Variants in DSCAML1 observed in about 807,000 individuals in gnomAD.
DSCAML1 encodes cell adhesion molecule DSCAML1.
Under a neutral mutation model 200.5 loss-of-function variants are expected in DSCAML1, and 38 were observed. That is an observed-to-expected ratio of 0.19 (90% CI 0.15 to 0.25). DSCAML1 has a LOEUF of 0.25. Among genes scored for constraint, DSCAML1 ranks in the 10% least tolerant of loss-of-function variants. DSCAML1 has a pLI of 1.00. For synonymous variants in DSCAML1, 1,215 were observed against 1,165.0 expected (o/e 1.04, Z -0.87); for missense variants, 2,223 against 2,858.8 (o/e 0.78, Z 5.07).
At chr11:117,493,368 G>A (rs1417090392) in intron 11 of DSCAML1, among the ~76,000 whole-genome samples, 1 of 150,752 alleles carries the variant, frequency 6.6e-6, no homozygotes, top group Non-Finnish European at 1.5e-5. Flanking sequence ...CCAGGCTGGA[G>A]TGCAGTGGCA....
chr11:117,536,388 T>C (rs1440713943), intron 3 of DSCAML1, among the ~76,000 whole-genome samples: 2 of 152,172 alleles, frequency 1.3e-5, no homozygotes, highest in African/African-American at 4.8e-5. Context: ...CAACTAGCCA[T>C]CCCTGGGAAG....
At chr11:117,479,445 G>A (rs528596947) in intron 14 of DSCAML1, among the ~76,000 whole-genome samples, 1 of 152,340 alleles carries the variant, frequency 6.6e-6, no homozygotes, top group South Asian at 2.1e-4. Flanking sequence ...TGAGACAGCT[G>A]TTTTCTTCTC....
At chr11:117,734,410 C>T (rs1293434806) in intron 3 of DSCAML1, among the ~76,000 whole-genome samples, 1 of 152,136 alleles carries the variant, frequency 6.6e-6, no homozygotes, top group Non-Finnish European at 1.5e-5. Context: ...CCCTGCTGGC[C>T]CCTCGGGTCC....
chr11:117,780,701 G>A lies in DSCAML1; in HGVS notation c.156C>T (p.Ser52=), dbSNP rs757593601. 1.9e-6 allele frequency: 3 copies of A among 1,584,236 alleles called. No homozygotes were observed. The highest frequency in any genetic ancestry group is 1.1e-5 in the South Asian group (1 of 87,364). ...GGTACCATCGAAGGGCCGCGCTGGG[G>A]GAGCCCGCGGCCGGGCAGGGCACCA... ...GVVVPCPAAG[S]PSAALRWYLA... The change falls in exon 2 of 33, where the codon TCC becomes TCT. Residue 52 remains serine, a synonymous_variant. Transcript: ENST00000651296. This position sits in a 1 kb window ranked among gnomAD's most constrained non-coding sequence, Gnocchi z 4.8.
In DSCAML1 at chr11:117,458,891, T is replaced by A. The variant is rs2048424988; in HGVS notation, c.3431A>T (p.Asn1144Ile). ...YVDGEWGEMQ[N>I]ITTTRERVEL... ...CACCCGCTCCCGCGTGGTGGTGATG[T>A]TCTGCATCTCGCCCCACTCTGCCAG... The change falls in exon 19 of 33, where the codon AAC becomes ATC. Residue 1144 changes from asparagine (N) to isoleucine (I), a missense_variant. Physicochemically the swap from Asn to Ile is moderately radical, Grantham distance 149 (BLOSUM62 -3). Transcript: ENST00000651296. 1 of 1,613,818 alleles carries A rather than the reference T, an allele frequency of 6.2e-7. No individual in the cohort carries two copies. Among genetic ancestry groups the A allele is most frequent in the Non-Finnish European group, 8.5e-7 (1 of 1,179,960 alleles).
Position 117,692,722 on chromosome 11 carries a change from GC to G in DSCAML1, c.511+84068del, listed in dbSNP as rs1177489473. 7.2e-5 allele frequency among the ~76,000 whole-genome samples: 11 copies of G among 152,252 alleles called. No homozygotes were observed. The East Asian group carries it at 2.1e-3, about 29-fold the overall frequency. ...GCTTCCCTGACCAAGGGGCATCCAG[GC>G]CCTGCTCGCACACCTTTAGCGGTAG... is the stretch of plus-strand genomic sequence containing the variant. On this transcript the variant is annotated intron_variant, in intron 3 of 32. Coordinates refer to ENST00000651296, the MANE Select transcript of DSCAML1 (RefSeq NM_020693.4).
At chr11:117,730,583 C>T (rs1211287577) in intron 3 of DSCAML1, among the ~76,000 whole-genome samples, 1 of 152,204 alleles carries the variant, frequency 6.6e-6, no homozygotes, top group Non-Finnish European at 1.5e-5. Context: ...TGTGACGAAA[C>T]TGGGACCCTT....
Position 117,433,156 on chromosome 11 carries a change from C to G in DSCAML1, c.5008G>C (p.Glu1670Gln). ...CACTCACCCAGTTGCTTGATGCCTT[C>G]TTTGTCCTCGATGAGCAGCTGGACC... ...PRVQLLIEDK[E>Q]GIKQLGDDKA... The change falls in exon 29 of 33, where the codon GAA becomes CAA. Residue 1670 changes from glutamate to glutamine, a missense_variant. Physicochemically the swap from Glu to Gln is conservative, Grantham distance 29 (BLOSUM62 2). Coordinates refer to ENST00000651296, the MANE Select transcript of DSCAML1 (RefSeq NM_020693.4). 1 of 1,613,946 alleles carries G rather than the reference C, an allele frequency of 6.2e-7. No homozygotes were observed. The highest frequency in any genetic ancestry group is 8.5e-7 in the Non-Finnish European group (1 of 1,179,910).
intron 3 of DSCAML1, among the ~76,000 whole-genome samples, chr11:117,634,090 C>T (rs2137578104): frequency 6.6e-6 from 1 of 152,306 alleles, no homozygotes; most frequent in African/African-American, 2.4e-5. Flanking sequence ...GTCTAGCAGG[C>T]AAGCGGCAAG....
intron 19 of DSCAML1, among the ~76,000 whole-genome samples, chr11:117,455,603 A>G (rs2048355251): frequency 6.6e-6 from 1 of 152,182 alleles, no homozygotes; most frequent in Admixed American, 6.5e-5. Context: ...ACCTGAATTT[A>G]TGTTTGCATT....
chr11:117,476,668 G>A (rs1292150372), intron 14 of DSCAML1, among the ~76,000 whole-genome samples: 3 of 152,208 alleles, frequency 2.0e-5, no homozygotes, highest in East Asian at 1.9e-4. Flanking sequence ...TCTGCACAGC[G>A]CCATCTGATA....
intron 3 of DSCAML1, among the ~76,000 whole-genome samples, chr11:117,723,126 A>G (rs541739598): frequency 6.6e-6 from 1 of 152,322 alleles, no homozygotes; most frequent in South Asian, 2.1e-4. Context: ...GAAAAGTGCC[A>G]AGCATGTGGT....
intron 3 of DSCAML1, among the ~76,000 whole-genome samples, chr11:117,659,556 G>A (rs1038873280): frequency 6.6e-6 from 1 of 152,152 alleles, no homozygotes; most frequent in Admixed American, 6.5e-5. Flanking sequence ...GGGTCTTATT[G>A]AGGTCCAAAG....
At chr11:117,730,818 G>A (rs913885971) in intron 3 of DSCAML1, among the ~76,000 whole-genome samples, 1 of 152,074 alleles carries the variant, frequency 6.6e-6, no homozygotes, top group Non-Finnish European at 1.5e-5. Flanking sequence ...TCCATCAATG[G>A]GCGAATTGAT....
At chr11:117,441,799 G>A (rs2048054932) in intron 21 of DSCAML1, among the ~76,000 whole-genome samples, 2 of 152,150 alleles carry the variant, frequency 1.3e-5, no homozygotes, top group Admixed American at 1.3e-4. Flanking sequence ...GCTTGGAGCA[G>A]TGGGGGCACC....
chr11:117,484,892 TG>T (rs2049009033), intron 11 of DSCAML1, among the ~76,000 whole-genome samples: 8 of 27,274 alleles, frequency 2.9e-4, no homozygotes, highest in Admixed American at 1.0e-3. Context: ...GAACAGTGTG[TG>T]TGTGTGTGTG....
rs55642294 is a variant in DSCAML1 at position 117,524,782 on chromosome 11, C to T, written c.937+23G>A. 5 of 1,557,624 alleles carry T rather than the reference C, an allele frequency of 3.2e-6. No homozygotes were observed. In the Admixed American group the frequency reaches 7.7e-5, roughly 24 times the overall value. On this transcript the variant is annotated intron_variant, in intron 5 of 32. Coordinates refer to ENST00000651296, the MANE Select transcript of DSCAML1 (RefSeq NM_020693.4). Reference sequence around the variant, plus strand: ...GCGCCCTCAGAGGTTACTGGGGCTGCAGAAGGGGCTTCCCCGACTCACCAA... The same window carrying T: ...GCGCCCTCAGAGGTTACTGGGGCTGTAGAAGGGGCTTCCCCGACTCACCAA...
chr11:117,549,711 C>T (rs888010011), intron 3 of DSCAML1, among the ~76,000 whole-genome samples: 2 of 152,180 alleles, frequency 1.3e-5, no homozygotes, highest in Admixed American at 1.3e-4. Context: ...GACTGCTGGG[C>T]CAGTGATTCT....
chr11:117,447,196 G>A (rs1359009227), intron 20 of DSCAML1, among the ~76,000 whole-genome samples: 1 of 152,206 alleles, frequency 6.6e-6, no homozygotes, highest in Non-Finnish European at 1.5e-5. Context: ...GCTGAGGCAG[G>A]AGAATCACTT....
Sources: allele counts gnomAD v4.1 joint callset (sites outside exome capture counted in the v4.1 genomes callset), GRCh38; gene constraint gnomAD v4.1.1; non-coding constraint Gnocchi (gnomAD v3.1); transcripts MANE v1.5; gene names NCBI Gene and HGNC (gene_info 2026-07-23, HGNC 2026-07-21).